SQSTM1: variants seen among roughly 807,000 people sequenced by gnomAD.
SQSTM1 encodes the protein sequestosome 1.
In SQSTM1, 36 loss-of-function variants were observed where a neutral mutation model predicts 45.1. The ratio of observed to expected loss-of-function variants is 0.80; its 90% CI spans 0.61 to 1.05. The LOEUF (loss-of-function observed/expected upper bound fraction) is 1.05, where lower values mean the gene tolerates loss of function less well. Ranked by LOEUF, SQSTM1 falls within the 50% of genes least tolerant of loss-of-function variation. SQSTM1 has a pLI of 0.00. For missense variants in SQSTM1, 617 were observed against 607.1 expected (o/e 1.02, Z -0.17); for synonymous variants, 290 against 244.3 (o/e 1.19, Z -1.74).
At chr5:179,823,154 A>G in intron 2 of SQSTM1, 101 bp downstream of exon 2, 1 of 1,086,716 alleles carries the variant, frequency 9.2e-7, no homozygotes, top group Non-Finnish European at 1.4e-6. Flanking sequence ...TGAAGGGGTC[A>G]GCAATTTGAG....
chr5:179,825,697 G>T (rs1348671715), intron 5 of SQSTM1, among the ~76,000 whole-genome samples: 1 of 152,176 alleles, frequency 6.6e-6, no homozygotes, highest in Non-Finnish European at 1.5e-5. Context: ...GCCTCAGAGC[G>T]GGGAGAAGGT....
intron 5 of SQSTM1, among the ~76,000 whole-genome samples, chr5:179,832,031 C>T (rs1758250605): frequency 6.6e-6 from 1 of 152,198 alleles, no homozygotes; most frequent in Admixed American, 6.5e-5. Context: ...GATCCGCCCG[C>T]CTCGGCCTCC....
Position 179,833,087 on chromosome 5 carries a change from C to T in SQSTM1, c.810C>T (p.Pro270=), listed in dbSNP as rs1280918343. Residue 270 remains proline, a synonymous_variant, in exon 6 of 8, where the codon CCC becomes CCT. Transcript: ENST00000389805. Reference sequence around the variant, plus strand: ...GAGGGAAAAGAAGCCGCCTGACCCCCGTCTCTCCAGAGAGTTCCAGCACAG... The same window carrying T: ...GAGGGAAAAGAAGCCGCCTGACCCCTGTCTCTCCAGAGAGTTCCAGCACAG... ...EHGGKRSRLT[P]VSPESSSTEE... 8.1e-6 allele frequency: 13 copies of T among 1,614,220 alleles called. No individual in the cohort carries two copies. The highest frequency in any genetic ancestry group is 4.5e-5 in the East Asian group (2 of 44,870).
chr5:179,834,407 T>TTTTTTTTA (rs147429674), intron 7 of SQSTM1, among the ~76,000 whole-genome samples: 1 of 151,188 alleles, frequency 6.6e-6, no homozygotes, highest in Non-Finnish European at 1.5e-5. Flanking sequence ...TAGTTCTTAT[T>TTTTTTTTA]TTTGTTTATT....
At chr5:179,827,275 C>T (rs1758033253) in intron 5 of SQSTM1, among the ~76,000 whole-genome samples, 1 of 152,162 alleles carries the variant, frequency 6.6e-6, no homozygotes, top group African/African-American at 2.4e-5. Context: ...CCACTTGGCA[C>T]AGACAGGAAT....
intron 2 of SQSTM1, 95 bp downstream of exon 2, chr5:179,823,148 G>A: frequency 8.6e-7 from 1 of 1,169,266 alleles, no homozygotes; most frequent in Non-Finnish European, 1.3e-6. Flanking sequence ...CACCAATGAA[G>A]GGGTCAGCAA....
rs533907069 is a variant in SQSTM1, at chr5:179,834,143, G to C, written c.1165+361G>C. Among the ~76,000 whole-genome samples, 6 of 127,462 alleles carry C rather than the reference G, an allele frequency of 4.7e-5. No individual in the cohort carries two copies. The South Asian group carries it at 1.6e-3, about 34-fold the overall frequency. The allele number at this position is 127,462 out of a possible 152,430, so 83.6% of individuals were successfully genotyped here. On this transcript the variant is annotated intron_variant, in intron 7 of 7. Transcript: ENST00000389805. ...TCACACTCAAGTGCCGCCTCAGGGA[G>C]TGCTGGTCTGAGAGGGGGGGGGGTC...
chr5:179,822,659 A>C (rs1307353644), intron 1 of SQSTM1: 6 of 411,318 alleles, frequency 1.5e-5, no homozygotes, highest in Non-Finnish European at 9.2e-6. Flanking sequence ...ACGTTTCTGA[A>C]AAGGCAGCTG....
chr5:179,825,243 G>GC lies in SQSTM1; in HGVS notation c.754+20dup. 4 of 1,605,352 alleles carry GC rather than the reference G, an allele frequency of 2.5e-6. No individual in the cohort carries two copies. In the South Asian group the frequency reaches 3.3e-5, roughly 13 times the overall value. On this transcript the variant is annotated intron_variant, in intron 5 of 7. Coordinates refer to ENST00000389805, the MANE Select transcript of SQSTM1 (RefSeq NM_003900.5). The stretch of plus-strand genomic sequence containing the variant: ...GCCCTCTGGGTGAGTGCACCTCCTT[G>GC]CCCAGTGCTTCCCTAACTCAGCCTG...
chr5:179,820,558 G>C (rs2113478120), upstream of SQSTM1: 1 of 195,728 alleles, frequency 5.1e-6, no homozygotes, highest in South Asian at 1.4e-4. Flanking sequence ...ATATTGCTGA[G>C]TCATGGCCAG....
In SQSTM1 at chr5:179,821,246, A is replaced by AG. The variant is rs1458495144; in HGVS notation, c.205+110dup. On this transcript the variant is annotated intron_variant, in intron 1 of 7. Coordinates refer to ENST00000389805, the MANE Select transcript of SQSTM1 (RefSeq NM_003900.5). The stretch of plus-strand genomic sequence containing the variant: ...TCTCGGCGACGCCTGGCGGGCCGTG[A>AG]GGGGGTCTGCGCTGGCTGCTCCCTG... The AG allele has an allele frequency of 3.5e-6, 4 of 1,132,330 alleles. No homozygotes were observed. In the South Asian group the frequency reaches 6.1e-5, roughly 17 times the overall value. 70.1% of individuals were successfully genotyped at this position (1,132,330 alleles called of 1,614,324 possible). A position where few individuals can be genotyped will look rare whatever the true frequency, so the allele number is the denominator to read the frequency against.
Position 179,823,955 on chromosome 5 carries a change from G to T in SQSTM1, c.399G>T (p.Gly133=), listed in dbSNP as rs768110162. Residue 133 remains glycine (G), a synonymous_variant, in exon 3 of 8, where the codon GGG becomes GGT. Coordinates refer to ENST00000389805, the MANE Select transcript of SQSTM1 (RefSeq NM_003900.5). ...HPNVICDGCN[G]PVVGTRYKCS... is the part of the protein sequence containing the mutation. Reference sequence around the variant, plus strand: ...ATGTGATCTGCGATGGCTGCAATGGGCCTGTGGTAGGAACCCGCTACAAGT... The same window carrying T: ...ATGTGATCTGCGATGGCTGCAATGGTCCTGTGGTAGGAACCCGCTACAAGT... The T allele has an allele frequency of 6.2e-7, 1 of 1,614,056 alleles. No individual in the cohort carries two copies. Among genetic ancestry groups the T allele is most frequent in the Admixed American group, 1.7e-5 (1 of 60,030 alleles).
rs781049091 is a variant in SQSTM1 at position 179,824,048 on chromosome 5, C to T, written c.492C>T (p.Thr164=). Residue 164 remains threonine (T), a synonymous_variant, in exon 3 of 8, where the codon ACC becomes ACT. Coordinates refer to ENST00000389805, the MANE Select transcript of SQSTM1 (RefSeq NM_003900.5). The stretch of plus-strand genomic sequence containing the variant: ...GAAAGGGCTTGCACCGGGGGCACAC[C>T]AAGCTCGCATTCCCCAGCCCCTTCG... ...CEGKGLHRGH[T]KLAFPSPFGH... The T allele has an allele frequency of 1.9e-5, 31 of 1,613,844 alleles. 1 individual carries two copies. The East Asian group carries it at 6.5e-4, about 34-fold the overall frequency.
chr5:179,820,893 G>T, upstream of SQSTM1: 1 of 1,449,910 alleles, frequency 6.9e-7, no homozygotes, highest in Non-Finnish European at 9.1e-7. Flanking sequence ...CCGCGCGGCG[G>T]CTGCGACCGG....
chr5:179,835,559 A>G (rs955235380), intron 7 of SQSTM1: 3 of 157,444 alleles, frequency 1.9e-5, no homozygotes, highest in East Asian at 3.7e-4. Flanking sequence ...GGCGGCGCGC[A>G]CCTGCAATCG....
chr5:179,829,961 T>G (rs1758144832), intron 5 of SQSTM1, among the ~76,000 whole-genome samples: 1 of 152,026 alleles, frequency 6.6e-6, no homozygotes, highest in Non-Finnish European at 1.5e-5. Flanking sequence ...ACTATGAAAA[T>G]TAGCCAGGCA....
chr5:179,813,886 A>G (rs1276550610), upstream of SQSTM1, among the ~76,000 whole-genome samples: 1 of 152,218 alleles, frequency 6.6e-6, no homozygotes, highest in Admixed American at 6.5e-5. Flanking sequence ...AGGCAAACAG[A>G]CACTGTCACA....
intron 1 of SQSTM1, among the ~76,000 whole-genome samples, chr5:179,810,631 A>C (rs1757368230): frequency 6.6e-6 from 1 of 152,238 alleles, no homozygotes; most frequent in South Asian, 2.1e-4. Flanking sequence ...GTATATACCC[A>C]GTAATGGGAT....
At chr5:179,816,769 C>A (rs1184501481), upstream of SQSTM1, among the ~76,000 whole-genome samples, 1 of 150,000 alleles carries the variant, frequency 6.7e-6, no homozygotes, top group Non-Finnish European at 1.5e-5. Context: ...TTCCTCCAGC[C>A]CCCCTCCCTA....
Sources: gnomAD v4.1 joint callset for allele counts (sites outside exome capture counted in the v4.1 genomes callset) on GRCh38, gnomAD v4.1.1 for gene constraint, MANE v1.5 for transcripts, NCBI Gene and HGNC (gene_info 2026-07-23, HGNC 2026-07-21) for gene names.